Variants in LRRC4C observed in about 807,000 individuals in gnomAD.
LRRC4C encodes the protein leucine-rich repeat-containing protein 4C.
LRRC4C carries 5 observed loss-of-function variants against 33.6 expected under a neutral mutation model. The observed-to-expected ratio is 0.15, with a 90% confidence interval of 0.08 to 0.31. LRRC4C has a LOEUF of 0.31. Ranked by LOEUF, LRRC4C falls within the 10% of genes least tolerant of loss-of-function variation. LRRC4C has a pLI of 1.00. For synonymous variants in LRRC4C, 329 were observed against 302.0 expected, an observed-to-expected ratio of 1.09 and a Z score of -0.93; for missense variants, 560 against 796.7, an observed-to-expected ratio of 0.70 and a Z score of 3.58.
intron 3 of LRRC4C, among the ~76,000 whole-genome samples, chr11:40,527,671 T>C (rs894354062): frequency 1.8e-4 from 27 of 152,242 alleles, no homozygotes; most frequent in African/African-American, 6.3e-4. Context: ...AAAGCTAAAG[T>C]GCCATTGAAC....
chr11:40,884,770 A>G (rs1955359154), intron 2 of LRRC4C, among the ~76,000 whole-genome samples: 1 of 152,130 alleles, frequency 6.6e-6, no homozygotes, highest in Non-Finnish European at 1.5e-5. Flanking sequence ...TTCCTAAAAA[A>G]AGTGTAGATA....
chr11:41,388,587 G>A (rs1241070651), intron 1 of LRRC4C, among the ~76,000 whole-genome samples: 1 of 151,908 alleles, frequency 6.6e-6, no homozygotes, highest in Non-Finnish European at 1.5e-5. Context: ...ACTGTGCCTT[G>A]AAGAATCAGT....
chr11:40,210,222 C>T (rs933235434), intron 5 of LRRC4C, among the ~76,000 whole-genome samples: 10 of 151,498 alleles, frequency 6.6e-5, no homozygotes, highest in South Asian at 2.1e-4. Context: ...GAGCCAAGAT[C>T]GGCCTGGGCG....
At position 40,257,328 on chromosome 11, in the gene LRRC4C, A is replaced by G. The variant is rs1003886273; in HGVS notation, c.-175-15730T>C. ...TCTCGTTCTTTCTTCCATGAAAATAAGGACACAACATATTTACTATATACC... is the reference window on the plus strand; with the variant it reads ...TCTCGTTCTTTCTTCCATGAAAATAGGGACACAACATATTTACTATATACC... On this transcript the variant is annotated intron_variant, in intron 4 of 6. Coordinates refer to ENST00000528697, the MANE Select transcript of LRRC4C (RefSeq NM_001258419.2). 7.2e-5 allele frequency among the ~76,000 whole-genome samples: 11 copies of G among 152,192 alleles called. 1 individual carries two copies. Among genetic ancestry groups the G allele is most frequent in the Non-Finnish European group, 1.6e-4 (11 of 68,028 alleles).
chr11:40,935,503 A>G (rs1442914858), intron 1 of LRRC4C, among the ~76,000 whole-genome samples: 3 of 152,100 alleles, frequency 2.0e-5, no homozygotes, highest in Non-Finnish European at 4.4e-5. Flanking sequence ...TTCTATGTTT[A>G]GGTATTTTTA....
intron 3 of LRRC4C, among the ~76,000 whole-genome samples, chr11:40,529,308 T>G (rs1956181348): frequency 6.6e-6 from 1 of 152,068 alleles, no homozygotes; most frequent in African/African-American, 2.4e-5. Context: ...TGAAGTTGAT[T>G]GTATATTATA....
chr11:40,258,301 C>T (rs1867387085), intron 4 of LRRC4C, among the ~76,000 whole-genome samples: 4 of 152,040 alleles, frequency 2.6e-5, no homozygotes, highest in Admixed American at 2.6e-4. Flanking sequence ...AAAAACAGTC[C>T]ACCTCAAAAA....
intron 2 of LRRC4C, among the ~76,000 whole-genome samples, chr11:40,735,647 T>A (rs75051927): frequency 1.8e-4 from 21 of 113,750 alleles, no homozygotes; most frequent in African/African-American, 5.8e-4. Flanking sequence ...ATAGCAGCAT[T>A]ATTTATAGTC....
chr11:40,694,394 C>T (rs1339428424), intron 2 of LRRC4C, among the ~76,000 whole-genome samples: 1 of 152,128 alleles, frequency 6.6e-6, no homozygotes, highest in East Asian at 1.9e-4. Flanking sequence ...GGCACATTTT[C>T]ATCACTTTCT....
At chr11:41,431,056 CAA>C (rs1460278392) in intron 1 of LRRC4C, among the ~76,000 whole-genome samples, 2 of 151,980 alleles carry the variant, frequency 1.3e-5, no homozygotes, top group Non-Finnish European at 2.9e-5. Flanking sequence ...TATTATTTTT[CAA>C]AGACTAAAAA....
chr11:40,148,456 T>C (rs577442208), intron 5 of LRRC4C, among the ~76,000 whole-genome samples: 1 of 152,288 alleles, frequency 6.6e-6, no homozygotes, highest in East Asian at 1.9e-4. Context: ...TTTTGTCATA[T>C]GCTTGTGGCC....
intron 1 of LRRC4C, among the ~76,000 whole-genome samples, chr11:41,052,655 A>G (rs777543667): frequency 2.6e-5 from 4 of 152,140 alleles, no homozygotes; most frequent in Non-Finnish European, 4.4e-5. Context: ...TCAAATGCCA[A>G]TCTGAAAAAC....
At chr11:41,353,248 C>A (rs1198274899) in intron 1 of LRRC4C, among the ~76,000 whole-genome samples, 1 of 152,012 alleles carries the variant, frequency 6.6e-6, no homozygotes, top group African/African-American at 2.4e-5. Flanking sequence ...CACCACTGTG[C>A]ACACAAACTA....
chr11:40,880,098 C>T (rs1016808699), intron 2 of LRRC4C, among the ~76,000 whole-genome samples: 1 of 152,110 alleles, frequency 6.6e-6, no homozygotes, highest in Non-Finnish European at 1.5e-5. Flanking sequence ...GAAAACCAGG[C>T]AGGCATGAGT....
chr11:40,673,189 A>G (rs1472607093), intron 2 of LRRC4C, among the ~76,000 whole-genome samples: 1 of 152,170 alleles, frequency 6.6e-6, no homozygotes, highest in African/African-American at 2.4e-5. Flanking sequence ...CTTCTCTTAC[A>G]TGATCCTTAC....
At chr11:41,237,288 C>T (rs557450605) in intron 1 of LRRC4C, among the ~76,000 whole-genome samples, 627 of 152,278 alleles carry the variant, frequency 4.1e-3, no homozygotes, top group Non-Finnish European at 6.8e-3. Flanking sequence ...TGTATACCAA[C>T]TTAAGTATCT....
At chr11:41,368,844 C>A (rs1373820716) in intron 1 of LRRC4C, among the ~76,000 whole-genome samples, 5 of 152,168 alleles carry the variant, frequency 3.3e-5, no homozygotes, top group Non-Finnish European at 4.4e-5. Flanking sequence ...AGGAGGCATA[C>A]TTTTTTCCCC....
chr11:40,135,930 T>A (rs770870843), intron 6 of LRRC4C, among the ~76,000 whole-genome samples: 14 of 152,224 alleles, frequency 9.2e-5, no homozygotes, highest in Non-Finnish European at 1.5e-4. Flanking sequence ...GATATAGGTG[T>A]CATTCCTGCA....
At chr11:41,416,172 C>T (rs2138270024) in intron 1 of LRRC4C, among the ~76,000 whole-genome samples, 1 of 152,090 alleles carries the variant, frequency 6.6e-6, no homozygotes, top group South Asian at 2.1e-4. Flanking sequence ...CTCTATAATA[C>T]AGAATCTCAG....
Sources: allele counts gnomAD v4.1 joint callset (sites outside exome capture counted in the v4.1 genomes callset), GRCh38; gene constraint gnomAD v4.1.1; transcripts MANE v1.5; gene names NCBI Gene and HGNC (gene_info 2026-07-23, HGNC 2026-07-21).